RTKN2: variants seen among roughly 807,000 people sequenced by gnomAD.
The protein encoded by RTKN2 is rhotekin-2.
Under a neutral mutation model 71.5 loss-of-function variants are expected in RTKN2, and 69 were observed. The ratio of observed to expected loss-of-function variants is 0.96; its 90% CI spans 0.79 to 1.18. RTKN2 has a LOEUF of 1.18. Among genes scored for constraint, RTKN2 ranks in the 50% most tolerant of loss-of-function variants. RTKN2 has a pLI of 0.00. For missense variants in RTKN2, 724 were observed against 719.7 expected (o/e 1.01, Z -0.07); for synonymous variants, 236 against 236.5 (o/e 1.00, Z 0.02).
intron 2 of RTKN2, among the ~76,000 whole-genome samples, chr10:62,261,673 A>G (rs1589387815): frequency 6.6e-6 from 1 of 151,934 alleles, no homozygotes; most frequent in Non-Finnish European, 1.5e-5. Context: ...AAATAAATAA[A>G]AGCTATCCCA....
rs1589327761 is a variant in RTKN2, at chr10:62,195,283, G to A, written c.*2625C>T. The stretch of plus-strand genomic sequence containing the variant: ...CAAGTTTATAGTCTTCATATATCAA[G>A]AAACAAATTAAAAGGACAAACAAGG... On this transcript the variant is annotated 3_prime_UTR_variant, in exon 12 of 12. Coordinates refer to ENST00000373789, the MANE Select transcript of RTKN2 (RefSeq NM_145307.4). 5.1e-6 allele frequency: 5 copies of A among 984,784 alleles called. No homozygotes were observed. Among genetic ancestry groups the A allele is most frequent in the African/African-American group, 3.5e-5 (2 of 57,274 alleles). 61.0% of individuals were successfully genotyped at this position (984,784 alleles called of 1,614,324 possible).
At chr10:62,234,477 C>G (rs1842214102) in intron 6 of RTKN2, among the ~76,000 whole-genome samples, 1 of 137,478 alleles carries the variant, frequency 7.3e-6, no homozygotes, top group Non-Finnish European at 1.5e-5. Context: ...GACTGGGCAA[C>G]AGATCCAGAC....
At chr10:62,199,307 A>G (rs1381014159) in intron 11 of RTKN2, among the ~76,000 whole-genome samples, 1 of 152,242 alleles carries the variant, frequency 6.6e-6, no homozygotes, top group Admixed American at 6.5e-5. Context: ...CCAAAGTATT[A>G]AACTTAACCA....
chr10:62,195,807 T>C lies in RTKN2; in HGVS notation c.*2101A>G. The C allele has an allele frequency of 1.0e-6, 1 of 985,418 alleles. No individual in the cohort carries two copies. The highest frequency in any genetic ancestry group is 5.2e-4 in the Middle Eastern group (1 of 1,916). 61.0% of individuals were successfully genotyped at this position (985,418 alleles called of 1,614,324 possible). A position where few individuals can be genotyped will look rare whatever the true frequency, so the allele number is the denominator to read the frequency against. ...CCCCCCAGAAAGAGACCGAATAATTTGGTGGGGAGGGGGTGGTGGTCCTTG... is the reference window on the plus strand; with the variant it reads ...CCCCCCAGAAAGAGACCGAATAATTCGGTGGGGAGGGGGTGGTGGTCCTTG... On this transcript the variant is annotated 3_prime_UTR_variant, in exon 12 of 12. Transcript: ENST00000373789.
At chr10:62,221,955 T>TA (rs1841917956) in intron 7 of RTKN2, among the ~76,000 whole-genome samples, 3 of 152,140 alleles carry the variant, frequency 2.0e-5, no homozygotes, top group Admixed American at 1.3e-4. Context: ...TAGATATCTA[T>TA]AAAAACATAA....
intron 6 of RTKN2, among the ~76,000 whole-genome samples, chr10:62,227,583 G>A (rs568498337): frequency 6.6e-6 from 1 of 152,174 alleles, no homozygotes; most frequent in African/African-American, 2.4e-5. Context: ...CCACAGTCCT[G>A]GTGGGGCACG....
rs1261743316 is a variant in RTKN2, at chr10:62,217,170, G to T, written c.968C>A (p.Pro323Gln). Residue 323 changes from proline (P) to glutamine (Q), a missense_variant, in exon 9 of 12, where the codon CCA becomes CAA. Transcript: ENST00000373789. ...RGGKLYCFYS[P>Q]EEIEAKVEPA... ...TTCCACTTTAGCTTCAATTTCCTCTGGACTGTAAAAACAATAGAGTTTACC... is the reference window on the plus strand; with the variant it reads ...TTCCACTTTAGCTTCAATTTCCTCTTGACTGTAAAAACAATAGAGTTTACC... The T allele has an allele frequency of 5.6e-6, 9 of 1,602,192 alleles. No individual in the cohort carries two copies. The Admixed American group carries it at 1.2e-4, about 21-fold the overall frequency.
At chr10:62,218,582 TTTAA>T (rs1291887113) in intron 7 of RTKN2, among the ~76,000 whole-genome samples, 3 of 149,436 alleles carry the variant, frequency 2.0e-5, no homozygotes, top group East Asian at 2.0e-4. Context: ...CTTGTTTGAT[TTTAA>T]TTATTCAATG....
Position 62,222,551 on chromosome 10 carries a change from A to T in RTKN2, c.781+687T>A, listed in dbSNP as rs983682564. 2.0e-5 allele frequency among the ~76,000 whole-genome samples: 3 copies of T among 152,218 alleles called. No homozygotes were observed. In the East Asian group the frequency reaches 5.8e-4, roughly 29 times the overall value. On this transcript the variant is annotated intron_variant, in intron 7 of 11. Transcript: ENST00000373789. ...ACAGAGCCACAATCCTTACAACAGT[A>T]AGTATAATTAGGACTTTACCACATA...
At chr10:62,221,592 C>CAATT (rs1841908247) in intron 7 of RTKN2, among the ~76,000 whole-genome samples, 1 of 151,792 alleles carries the variant, frequency 6.6e-6, no homozygotes, top group African/African-American at 2.4e-5. Flanking sequence ...ACAATTTAAA[C>CAATT]ACATGCATCA....
At chr10:62,203,196 C>A (rs541625876) in intron 10 of RTKN2, among the ~76,000 whole-genome samples, 2 of 152,054 alleles carry the variant, frequency 1.3e-5, no homozygotes, top group South Asian at 2.1e-4. Flanking sequence ...AATAAAAATA[C>A]CAAAATCATT....
intron 9 of RTKN2, among the ~76,000 whole-genome samples, chr10:62,215,550 A>T (rs1432416): frequency 0.76 from 115,372 of 151,924 alleles, 43,901 homozygotes; most frequent in East Asian, 0.9. Context: ...AACAATAAAC[A>T]TTTTGAGCAT....
At chr10:62,250,799 T>A (rs1490330746) in intron 2 of RTKN2, among the ~76,000 whole-genome samples, 1 of 152,052 alleles carries the variant, frequency 6.6e-6, no homozygotes, top group African/African-American at 2.4e-5. Flanking sequence ...CCAGCTAATG[T>A]TTATGTTATT....
chr10:62,232,023 C>T (rs1045664570), intron 6 of RTKN2, among the ~76,000 whole-genome samples: 3 of 152,106 alleles, frequency 2.0e-5, no homozygotes, highest in Non-Finnish European at 4.4e-5. Context: ...GCTGGTATTA[C>T]AAGGACATGA....
Position 62,200,008 on chromosome 10 carries a change from A to G in RTKN2, c.1187-147T>C, listed in dbSNP as rs536911044. 8.9e-6 allele frequency: 5 copies of G among 558,798 alleles called. No homozygotes were observed. In the South Asian group the frequency reaches 1.0e-4, roughly 11 times the overall value. 34.6% of individuals were successfully genotyped at this position (558,798 alleles called of 1,614,324 possible). On this transcript the variant is annotated intron_variant, in intron 10 of 11. Transcript: ENST00000373789. The stretch of plus-strand genomic sequence containing the variant: ...GCACTGCGTTAAGGGAGGCTTGCAG[A>G]AAAACCTAATACTATCCATAATTTC...
At chr10:62,212,956 A>G (rs1841692734) in intron 9 of RTKN2, among the ~76,000 whole-genome samples, 1 of 152,148 alleles carries the variant, frequency 6.6e-6, no homozygotes, top group African/African-American at 2.4e-5. Context: ...ACCAATACCA[A>G]TGCTATACCA....
chr10:62,195,629 A>G lies in RTKN2; in HGVS notation c.*2279T>C, dbSNP rs1466939961. 3.4e-6 allele frequency: 1 copy of G among 296,060 alleles called. No homozygotes were observed. The highest frequency in any genetic ancestry group is 4.6e-6 in the Non-Finnish European group (1 of 216,660). The allele number at this position is 296,060 out of a possible 1,614,324, so 18.3% of individuals were successfully genotyped here. A position where few individuals can be genotyped will look rare whatever the true frequency, so the allele number is the denominator to read the frequency against. ...AATGAAGGAAGGAAGGAAGGAAGGA[A>G]GGAAGGAAGGAAGGAAGGAAGGAAG... On this transcript the variant is annotated 3_prime_UTR_variant, in exon 12 of 12. Transcript: ENST00000373789.
At chr10:62,208,964 T>C (rs183907957) in intron 9 of RTKN2, among the ~76,000 whole-genome samples, 50 of 152,088 alleles carry the variant, frequency 3.3e-4, no homozygotes, top group African/African-American at 1.2e-3. Context: ...CTGAATATGA[T>C]CCAAAAATAT....
intron 2 of RTKN2, among the ~76,000 whole-genome samples, chr10:62,261,638 G>A (rs531758336): frequency 1.3e-3 from 204 of 152,214 alleles, no homozygotes; most frequent in African/African-American, 3.7e-3. Flanking sequence ...GTGACAGAGC[G>A]AGACTCTGTC....
Sources: allele counts gnomAD v4.1 joint callset (sites outside exome capture counted in the v4.1 genomes callset), GRCh38; gene constraint gnomAD v4.1.1; transcripts MANE v1.5; gene names NCBI Gene and HGNC (gene_info 2026-07-23, HGNC 2026-07-21).